Variants in ADAM7 observed in about 807,000 individuals in gnomAD.
ADAM7 encodes ADAM metallopeptidase domain 7, also known as disintegrin and metalloproteinase domain-containing protein 7.
In ADAM7, 97 loss-of-function variants were observed where a neutral mutation model predicts 102.9. The observed-to-expected ratio is 0.94, with a 90% CI of 0.80 to 1.12. The LOEUF (loss-of-function observed/expected upper bound fraction) is 1.12. ADAM7 is among the 50% of genes most tolerant of loss of function. The probability of loss-of-function intolerance (pLI) is 0.00; values close to 1 mark genes in which losing one functional copy is unlikely to be tolerated. For missense variants in ADAM7, 991 were observed against 908.7 expected, an observed-to-expected ratio of 1.09 and a Z score of -1.16; for synonymous variants, 334 against 304.4, an observed-to-expected ratio of 1.10 and a Z score of -1.01.
At chr8:24,483,177 A>T (rs573486185) in intron 9 of ADAM7, among the ~76,000 whole-genome samples, 2 of 152,304 alleles carry the variant, frequency 1.3e-5, no homozygotes, top group South Asian at 2.1e-4. Context: ...TAATTTCTTT[A>T]AAAAGGGGAC....
intron 17 of ADAM7, among the ~76,000 whole-genome samples, 168 bp downstream of exon 17, chr8:24,499,484 A>G (rs1288665008): frequency 2.0e-5 from 3 of 152,152 alleles, no homozygotes; most frequent in African/African-American, 7.2e-5. Context: ...AAATTTATCC[A>G]AGGAGCAAAA....
chr8:24,485,965 T>C (rs1304243595), intron 10 of ADAM7, among the ~76,000 whole-genome samples: 1 of 152,168 alleles, frequency 6.6e-6, no homozygotes, highest in Admixed American at 6.5e-5. Context: ...GGTATTAAGA[T>C]AAAAAATTTC....
rs140756552 is a variant in ADAM7 at position 24,476,500 on chromosome 8, A to T, written c.701A>T (p.Asn234Ile). ...ATTTGGGGAATGGTCAATTTTGTCA[A>T]CATGGTAAGATTTGATACAGTTTTT... ...NRIWGMVNFV[N>I]MIYKTLNIHV... The change falls in exon 8 of 22, where the codon AAC becomes ATC. Residue 234 changes from asparagine (N) to isoleucine (I), a missense_variant. Asn to Ile is a moderately radical substitution (Grantham distance 149). Coordinates refer to ENST00000175238, the MANE Select transcript of ADAM7 (RefSeq NM_003817.4). 1.2e-5 allele frequency: 19 copies of T among 1,606,328 alleles called. No homozygotes were observed. The African/African-American group carries it at 2.3e-4, about 19-fold the overall frequency.
chr8:24,459,962 A>G (rs1480758982), intron 3 of ADAM7, among the ~76,000 whole-genome samples: 1 of 151,972 alleles, frequency 6.6e-6, no homozygotes, highest in Non-Finnish European at 1.5e-5. Context: ...TACATCTCAA[A>G]AGTCTTGATT....
chr8:24,499,797 TACACACAC>T (rs35010933), intron 17 of ADAM7, among the ~76,000 whole-genome samples: 40,090 of 148,158 alleles, frequency 0.27, 5,882 homozygotes, highest in South Asian at 0.39. Flanking sequence ...TATATAGTAA[TACACACAC>T]ACACACACAC....
chr8:24,460,009 T>G lies in ADAM7; in HGVS notation c.234-3873T>G, dbSNP rs79317266. On this transcript the variant is annotated intron_variant, in intron 3 of 21. Coordinates refer to ENST00000175238, the MANE Select transcript of ADAM7 (RefSeq NM_003817.4). Reference sequence around the variant, plus strand: ...CATTCATTTCAAAATATTTGATTTCTTCTGGGATTTCTTCTTTGAGTCATG... The same window carrying G: ...CATTCATTTCAAAATATTTGATTTCGTCTGGGATTTCTTCTTTGAGTCATG... Among the ~76,000 whole-genome samples the G allele has an allele frequency of 8.7e-3, 1,331 of 152,286 alleles. 20 individuals carry two copies. The highest frequency in any genetic ancestry group is 0.031 in the African/African-American group (1,277 of 41,570).
At chr8:24,507,857 C>A (rs567795851) in intron 21 of ADAM7, among the ~76,000 whole-genome samples, 1 of 152,100 alleles carries the variant, frequency 6.6e-6, no homozygotes, top group Non-Finnish European at 1.5e-5. Flanking sequence ...AGTATACATA[C>A]CCACAGGTTT....
At position 24,441,167 on chromosome 8, in the gene ADAM7, C is replaced by T; in HGVS notation, c.52+7C>T. ...CTCATTCCTCAGGTTAAAGGTATGTCTTGCTCTTTTTATCAGGACTTTCTT... is the reference window on the plus strand; with the variant it reads ...CTCATTCCTCAGGTTAAAGGTATGTTTTGCTCTTTTTATCAGGACTTTCTT... On this transcript the variant is annotated splice_region_variant and intron_variant, in intron 1 of 21. Coordinates refer to ENST00000175238, the MANE Select transcript of ADAM7 (RefSeq NM_003817.4). 3.1e-6 allele frequency: 5 copies of T among 1,610,346 alleles called. No homozygotes were observed. In the South Asian group the frequency reaches 5.5e-5, roughly 18 times the overall value.
chr8:24,477,094 C>T (rs1237066787), intron 8 of ADAM7, among the ~76,000 whole-genome samples: 2 of 152,150 alleles, frequency 1.3e-5, no homozygotes, highest in Non-Finnish European at 2.9e-5. Flanking sequence ...GTTACTAATT[C>T]ACCAGTTGAG....
intron 2 of ADAM7, among the ~76,000 whole-genome samples, chr8:24,442,816 A>G (rs1167932899): frequency 2.3e-5 from 1 of 42,946 alleles, no homozygotes; most frequent in East Asian, 2.9e-4. Context: ...GAGTTCCACC[A>G]ACAGCTTTCA....
At chr8:24,500,304 C>T (rs751829138) in intron 18 of ADAM7, 48 bp downstream of exon 18, 19 of 1,540,648 alleles carry the variant, frequency 1.2e-5, no homozygotes, top group African/African-American at 4.1e-5. Flanking sequence ...GCCTACCCAG[C>T]GAAAAAAGTT....
intron 13 of ADAM7, among the ~76,000 whole-genome samples, chr8:24,491,311 C>T (rs1563392383): frequency 6.6e-6 from 1 of 152,130 alleles, no homozygotes; most frequent in Non-Finnish European, 1.5e-5. Flanking sequence ...ATGGCTCTGT[C>T]CAAGAGTTTA....
chr8:24,457,899 T>A (rs957174978), intron 3 of ADAM7, among the ~76,000 whole-genome samples: 7 of 150,870 alleles, frequency 4.6e-5, no homozygotes, highest in Non-Finnish European at 1.0e-4. Flanking sequence ...TGTAATTTGC[T>A]GGAGAAGTCA....
chr8:24,453,190 G>A (rs1271907735), intron 3 of ADAM7, among the ~76,000 whole-genome samples: 3 of 152,116 alleles, frequency 2.0e-5, no homozygotes, highest in African/African-American at 4.8e-5. Flanking sequence ...GAATCTGAAT[G>A]TTGGCCTGCC....
chr8:24,453,606 G>T (rs569081296), intron 3 of ADAM7, among the ~76,000 whole-genome samples: 2 of 152,074 alleles, frequency 1.3e-5, no homozygotes, highest in Non-Finnish European at 2.9e-5. Flanking sequence ...ATTTCCTCCT[G>T]TAGCTCGGAG....
chr8:24,456,964 C>T (rs143680392), intron 3 of ADAM7, among the ~76,000 whole-genome samples: 2 of 152,174 alleles, frequency 1.3e-5, no homozygotes, highest in Admixed American at 1.3e-4. Context: ...CTTTGGTAAA[C>T]ACCAAGGAGT....
At chr8:24,462,258 G>C (rs1275515618) in intron 3 of ADAM7, among the ~76,000 whole-genome samples, 1 of 152,120 alleles carries the variant, frequency 6.6e-6, no homozygotes, top group African/African-American at 2.4e-5. Flanking sequence ...TCATAGTTCA[G>C]GGAAAATTCT....
chr8:24,463,333 T>G (rs1241787925), intron 3 of ADAM7, among the ~76,000 whole-genome samples: 1 of 152,156 alleles, frequency 6.6e-6, no homozygotes, highest in Admixed American at 6.5e-5. Flanking sequence ...TAAGGCAGGC[T>G]TTATTCAGGC....
intron 20 of ADAM7, among the ~76,000 whole-genome samples, chr8:24,507,007 T>C (rs1285459034): frequency 6.6e-6 from 1 of 152,144 alleles, no homozygotes; most frequent in African/African-American, 2.4e-5. Flanking sequence ...TTCTAATCTG[T>C]GGTTGCAGAG....
Sources: allele counts gnomAD v4.1 joint callset (sites outside exome capture counted in the v4.1 genomes callset), GRCh38; gene constraint gnomAD v4.1.1; transcripts MANE v1.5; gene names NCBI Gene and HGNC (gene_info 2026-07-23, HGNC 2026-07-21).